Variants in GABRG3 observed in about 807,000 individuals in gnomAD.
GABRG3 encodes the protein gamma-aminobutyric acid receptor subunit gamma-3.
Under a neutral mutation model 48.8 loss-of-function variants are expected in GABRG3, and 25 were observed. The observed-to-expected ratio is 0.51, with a 90% CI of 0.37 to 0.72. The LOEUF (loss-of-function observed/expected upper bound fraction) is 0.72, where lower values mean the gene tolerates loss of function less well. GABRG3 is among the 30% of genes least tolerant of loss of function. GABRG3 has a pLI of 0.00. For synonymous variants in GABRG3, 227 were observed against 217.6 expected (o/e 1.04, Z -0.38); for missense variants, 394 against 577.9 (o/e 0.68, Z 3.26).
chr15:27,327,950 A>G (rs2140519456), intron 4 of GABRG3, among the ~76,000 whole-genome samples: 1 of 152,270 alleles, frequency 6.6e-6, no homozygotes, highest in East Asian at 1.9e-4. Context: ...GTGCGTACTG[A>G]GAATTCCCAC....
intron 6 of GABRG3, among the ~76,000 whole-genome samples, chr15:27,514,987 A>G (rs73371509): frequency 0.076 from 11,548 of 152,286 alleles, 1,487 homozygotes; most frequent in African/African-American, 0.26. Flanking sequence ...TTAAGGAACA[A>G]ATTCTCAAGA....
At chr15:27,307,436 TTTATATATAAACATATA>T (rs1892642918) in intron 3 of GABRG3, among the ~76,000 whole-genome samples, 3 of 82,030 alleles carry the variant, frequency 3.7e-5, no homozygotes, top group East Asian at 2.6e-4. Flanking sequence ...GGTTTATATA[TTTATATATAAACATATA>T]GGTTTATATA....
chr15:27,083,038 T>C lies in GABRG3; in HGVS notation c.270+56217T>C, dbSNP rs1394618356. Among the ~76,000 whole-genome samples the C allele has an allele frequency of 2.0e-5, 3 of 152,238 alleles. No homozygotes were observed. In the East Asian group the frequency reaches 5.8e-4, roughly 29 times the overall value. ...TGTCTGTGTAGTGCAGCTTGTTTCA[T>C]CATTATATTTTATCACATAAGGTAA... On this transcript the variant is annotated intron_variant, in intron 3 of 9. Coordinates refer to ENST00000615808, the MANE Select transcript of GABRG3 (RefSeq NM_033223.5).
chr15:27,058,593 C>T (rs1294528562), intron 3 of GABRG3, among the ~76,000 whole-genome samples: 1 of 150,908 alleles, frequency 6.6e-6, no homozygotes, highest in African/African-American at 2.4e-5. Context: ...AGTGTCTGGT[C>T]ATTGTTTTGA....
At chr15:27,514,018 G>T (rs1335124870) in intron 6 of GABRG3, among the ~76,000 whole-genome samples, 5 of 152,128 alleles carry the variant, frequency 3.3e-5, no homozygotes, top group African/African-American at 1.2e-4. Context: ...TGTACTTTCA[G>T]GCAGCTACAC....
At chr15:27,002,522 T>C (rs1462999815) in intron 2 of GABRG3, among the ~76,000 whole-genome samples, 1 of 152,162 alleles carries the variant, frequency 6.6e-6, no homozygotes, top group Non-Finnish European at 1.5e-5. Context: ...AGTGCAGCAT[T>C]TCATTTTTTT....
chr15:27,237,684 G>T (rs1595604817), intron 3 of GABRG3, among the ~76,000 whole-genome samples: 1 of 152,204 alleles, frequency 6.6e-6, no homozygotes, highest in Non-Finnish European at 1.5e-5. Flanking sequence ...ACAGTGCATG[G>T]TTTCAAATCA....
chr15:26,982,531 C>T (rs750951505), intron 2 of GABRG3, among the ~76,000 whole-genome samples: 5 of 152,168 alleles, frequency 3.3e-5, no homozygotes, highest in Non-Finnish European at 7.4e-5. Flanking sequence ...ATTCCTCACA[C>T]CCCAACAATG....
chr15:27,022,878 C>A (rs1014807783), intron 2 of GABRG3, among the ~76,000 whole-genome samples: 1 of 152,164 alleles, frequency 6.6e-6, no homozygotes, highest in African/African-American at 2.4e-5. Context: ...AAGCAAAGGT[C>A]TGCTTTAGTG....
intron 3 of GABRG3, among the ~76,000 whole-genome samples, chr15:27,206,645 G>T (rs1219259647): frequency 6.6e-6 from 1 of 152,078 alleles, no homozygotes; most frequent in East Asian, 1.9e-4. Context: ...ACTGTCCGTT[G>T]GGGGTTGAAT....
At chr15:27,045,103 A>T (rs1031822962) in intron 3 of GABRG3, among the ~76,000 whole-genome samples, 1 of 152,238 alleles carries the variant, frequency 6.6e-6, no homozygotes, top group African/African-American at 2.4e-5. Context: ...GAGACAGATT[A>T]TTATAGAAGT....
chr15:27,435,978 G>T (rs1888597199), intron 5 of GABRG3, among the ~76,000 whole-genome samples: 2 of 152,176 alleles, frequency 1.3e-5, no homozygotes, highest in African/African-American at 4.8e-5. Context: ...ATGGGACTTT[G>T]TTCAACTAGC....
chr15:27,088,004 C>A lies in GABRG3; in HGVS notation c.270+61183C>A, dbSNP rs1012781413. ...GTGCGTGTCTCTGTGTGTGATGTGC[C>A]ATGGTTGTGTGTGTGCATGTGTATA... On this transcript the variant is annotated intron_variant, in intron 3 of 9. Coordinates refer to ENST00000615808, the MANE Select transcript of GABRG3 (RefSeq NM_033223.5). Among the ~76,000 whole-genome samples the A allele has an allele frequency of 3.6e-5, 5 of 139,280 alleles. 1 individual carries two copies. The highest frequency in any genetic ancestry group is 9.3e-3 in the Middle Eastern group (2 of 216). The allele number at this position is 139,280 out of a possible 152,430, so 91.4% of individuals were successfully genotyped here. A position where few individuals can be genotyped will look rare whatever the true frequency, so the allele number is the denominator to read the frequency against.
chr15:27,499,364 C>T (rs1436339905), intron 6 of GABRG3, among the ~76,000 whole-genome samples: 1 of 152,118 alleles, frequency 6.6e-6, no homozygotes, highest in African/African-American at 2.4e-5. Context: ...ATTCAGATCT[C>T]CCATTATTGA....
chr15:27,463,657 G>A (rs976145660), intron 5 of GABRG3, among the ~76,000 whole-genome samples: 2 of 152,148 alleles, frequency 1.3e-5, no homozygotes, highest in Non-Finnish European at 2.9e-5. Flanking sequence ...GGGGTGTGCT[G>A]TGTCCATGTT....
At chr15:27,129,406 T>A (rs1434056266) in intron 3 of GABRG3, among the ~76,000 whole-genome samples, 4 of 152,230 alleles carry the variant, frequency 2.6e-5, no homozygotes, top group Admixed American at 1.3e-4. Flanking sequence ...ATGAATAATA[T>A]TCATTATGTG....
intron 5 of GABRG3, among the ~76,000 whole-genome samples, chr15:27,355,241 A>T (rs1186934251): frequency 1.3e-5 from 2 of 152,344 alleles, no homozygotes; most frequent in South Asian, 4.1e-4. Flanking sequence ...CAGACCATGG[A>T]AAGAGGGAGA....
chr15:26,985,613 G>A (rs984750557), intron 2 of GABRG3, among the ~76,000 whole-genome samples: 3 of 152,094 alleles, frequency 2.0e-5, no homozygotes, highest in Non-Finnish European at 4.4e-5. Context: ...ACCTCCAAGA[G>A]GATTGGATTA....
chr15:27,127,461 C>A (rs921421103), intron 3 of GABRG3, among the ~76,000 whole-genome samples: 1 of 151,230 alleles, frequency 6.6e-6, no homozygotes, highest in African/African-American at 2.4e-5. Context: ...GGGTGGGAGC[C>A]GTTTAATGTG....
Sources: gnomAD v4.1 joint callset for allele counts (sites outside exome capture counted in the v4.1 genomes callset) on GRCh38, gnomAD v4.1.1 for gene constraint, MANE v1.5 for transcripts, NCBI Gene and HGNC (gene_info 2026-07-23, HGNC 2026-07-21) for gene names.